DPF3: variants seen among roughly 807,000 people sequenced by gnomAD.
DPF3 encodes double PHD fingers 3.
DPF3 carries 18 observed loss-of-function variants against 56.8 expected under a neutral mutation model. The ratio of observed to expected loss-of-function variants is 0.32; its 90% confidence interval spans 0.22 to 0.47. The LOEUF (loss-of-function observed/expected upper bound fraction) is 0.47. DPF3 is among the 20% of genes least tolerant of loss of function. The pLI is 1.00. For missense variants in DPF3, 403 were observed against 488.8 expected, an observed-to-expected ratio of 0.82 and a Z score of 1.65; for synonymous variants, 188 against 180.2, an observed-to-expected ratio of 1.04 and a Z score of -0.35.
chr14:72,700,325 C>G (rs1238837415), intron 6 of DPF3, among the ~76,000 whole-genome samples: 1 of 152,182 alleles, frequency 6.6e-6, no homozygotes, highest in African/African-American at 2.4e-5. Context: ...TAATGCCCTG[C>G]TGTTGGCATC....
intron 8 of DPF3, among the ~76,000 whole-genome samples, chr14:72,636,447 C>A (rs2153567490): frequency 6.6e-6 from 1 of 152,286 alleles, no homozygotes; most frequent in African/African-American, 2.4e-5. Context: ...TTCTCTCTTT[C>A]TCTTCTCTCC....
chr14:72,661,786 T>C, intron 8 of DPF3: 2 of 984,792 alleles, frequency 2.0e-6, no homozygotes. Context: ...AGGTTCCCTT[T>C]CCTCATCTCT....
chr14:72,651,423 G>T (rs1885904425), intron 8 of DPF3, among the ~76,000 whole-genome samples: 1 of 152,222 alleles, frequency 6.6e-6, no homozygotes, highest in Non-Finnish European at 1.5e-5. Context: ...AGCCTCTTAG[G>T]AGGGAGAAGT....
chr14:72,679,164 C>T (rs1887044116), intron 7 of DPF3: 2 of 152,224 alleles, frequency 1.3e-5, no homozygotes, highest in African/African-American at 4.8e-5. Context: ...GGCAGCACCG[C>T]CTCTCCCCCT....
chr14:72,808,704 G>C (rs1364452692), intron 1 of DPF3, among the ~76,000 whole-genome samples: 1 of 152,188 alleles, frequency 6.6e-6, no homozygotes, highest in Non-Finnish European at 1.5e-5. Context: ...CCAGCTTGTT[G>C]CTTCCCTCCA....
chr14:72,727,575 C>CAA (rs575342495), intron 4 of DPF3, among the ~76,000 whole-genome samples: 46 of 115,632 alleles, frequency 4.0e-4, no homozygotes, highest in Admixed American at 2.0e-3. Context: ...GACTCCATCT[C>CAA]AAAAAAAAAA....
intron 1 of DPF3, among the ~76,000 whole-genome samples, chr14:72,868,184 C>T (rs1414773129): frequency 6.6e-6 from 1 of 152,052 alleles, no homozygotes; most frequent in Non-Finnish European, 1.5e-5. Context: ...CCTTTTTAAC[C>T]TTGCACATTG....
intron 10 of DPF3, 128 bp downstream of exon 10, chr14:72,619,775 G>T: frequency 1.1e-6 from 1 of 921,360 alleles, no homozygotes; most frequent in Non-Finnish European, 1.5e-6. Flanking sequence ...GGGTTGTGAT[G>T]ATTAAATGAG....
intron 8 of DPF3, among the ~76,000 whole-genome samples, chr14:72,640,917 A>T (rs1885540733): frequency 6.6e-6 from 1 of 152,228 alleles, no homozygotes; most frequent in Non-Finnish European, 1.5e-5. Context: ...GCACAAAATA[A>T]AAAGGACCTA....
chr14:72,658,124 G>A lies in DPF3; in HGVS notation c.871+16116C>T, dbSNP rs556166403. On this transcript the variant is annotated intron_variant, in intron 8 of 10. Transcript: ENST00000556509. Reference sequence around the variant, plus strand: ...GACTGTAGTCAGTGGTAGCTTAACTGAATATTTTAAAATAATGTAAAGAGT... The same window carrying A: ...GACTGTAGTCAGTGGTAGCTTAACTAAATATTTTAAAATAATGTAAAGAGT... Among the ~76,000 whole-genome samples, 196 of 152,218 alleles carry A rather than the reference G, an allele frequency of 1.3e-3. 1 individual carries two copies. The highest frequency in any genetic ancestry group is 0.01 in the Middle Eastern group (3 of 294).
intron 7 of DPF3, among the ~76,000 whole-genome samples, chr14:72,692,597 C>A (rs1887736665): frequency 6.6e-6 from 1 of 152,186 alleles, no homozygotes; most frequent in East Asian, 1.9e-4. Context: ...CAGGAGAGCC[C>A]TGTACCAAAA....
intron 1 of DPF3, among the ~76,000 whole-genome samples, chr14:72,789,209 A>G (rs740976): frequency 0.84 from 128,078 of 152,174 alleles, 54,095 homozygotes; most frequent in East Asian, 0.98. Flanking sequence ...TGGCCCTGAC[A>G]GTGGGCGGGA....
At chr14:72,795,295 A>ATAT (rs1370331515) in intron 1 of DPF3, among the ~76,000 whole-genome samples, 136 of 102,884 alleles carry the variant, frequency 1.3e-3, no homozygotes, top group Non-Finnish European at 2.1e-3. Flanking sequence ...AAAAAAAAAA[A>ATAT]ATATATATAT....
chr14:72,755,328 C>T (rs1890748554), intron 2 of DPF3, among the ~76,000 whole-genome samples: 1 of 152,182 alleles, frequency 6.6e-6, no homozygotes, highest in African/African-American at 2.4e-5. Context: ...AAGCCCCAGG[C>T]CACTCTGCTT....
chr14:72,873,035 C>T (rs889459568), intron 1 of DPF3, among the ~76,000 whole-genome samples: 1 of 152,118 alleles, frequency 6.6e-6, no homozygotes, highest in Non-Finnish European at 1.5e-5. Context: ...GTCTAAAACA[C>T]CAAAAGCAAT....
intron 7 of DPF3, among the ~76,000 whole-genome samples, chr14:72,680,835 G>C (rs1887134742): frequency 6.6e-6 from 1 of 152,240 alleles, no homozygotes; most frequent in African/African-American, 2.4e-5. Flanking sequence ...CCGGGGTTTT[G>C]ACTGCGTTGC....
chr14:72,674,140 C>CG lies in DPF3; in HGVS notation c.871+99dup, dbSNP rs1196983244. On this transcript the variant is annotated intron_variant, in intron 8 of 10. Transcript: ENST00000556509. ...CTCCACTCGAAAGCATTGCCACCAT[C>CG]GCTTCCCTCTCCAGTCTCCAGCACC... The CG allele has an allele frequency of 2.1e-6, 3 of 1,431,320 alleles. No homozygotes were observed. The East Asian group carries it at 7.6e-5, about 36-fold the overall frequency. 88.7% of individuals were successfully genotyped at this position (1,431,320 alleles called of 1,614,324 possible).
At chr14:72,845,637 G>A (rs1020997189) in intron 1 of DPF3, among the ~76,000 whole-genome samples, 6 of 152,156 alleles carry the variant, frequency 3.9e-5, no homozygotes, top group South Asian at 2.1e-4. Flanking sequence ...GTAGTGTGAC[G>A]TCCAATTCCA....
chr14:72,700,871 A>C (rs1888128616), intron 6 of DPF3, among the ~76,000 whole-genome samples: 1 of 152,230 alleles, frequency 6.6e-6, no homozygotes, highest in Non-Finnish European at 1.5e-5. Flanking sequence ...GCTCATGGGG[A>C]GTCGTGGCTG....
Sources: allele counts gnomAD v4.1 joint callset (sites outside exome capture counted in the v4.1 genomes callset), GRCh38; gene constraint gnomAD v4.1.1; transcripts MANE v1.5; gene names NCBI Gene and HGNC (gene_info 2026-07-23, HGNC 2026-07-21).